GABRG3: variants seen among roughly 807,000 people sequenced by gnomAD.
GABRG3 encodes the protein gamma-aminobutyric acid receptor subunit gamma-3.
GABRG3 carries 25 observed loss-of-function variants against 48.8 expected under a neutral mutation model. The observed-to-expected ratio is 0.51, with a 90% CI of 0.37 to 0.72. GABRG3 has a LOEUF of 0.72. GABRG3 is among the 30% of genes least tolerant of loss of function. The pLI is 0.00. For missense variants in GABRG3, 394 were observed against 577.9 expected, an observed-to-expected ratio of 0.68 and a Z score of 3.26; for synonymous variants, 227 against 217.6, an observed-to-expected ratio of 1.04 and a Z score of -0.38.
At chr15:27,353,314 G>A (rs1343515175) in intron 5 of GABRG3, among the ~76,000 whole-genome samples, 5 of 152,206 alleles carry the variant, frequency 3.3e-5, no homozygotes, top group Admixed American at 6.5e-5. Context: ...GCCACAGGGC[G>A]CATGTGTGTC....
chr15:27,237,231 C>A (rs7170340), intron 3 of GABRG3, among the ~76,000 whole-genome samples: 1 of 152,042 alleles, frequency 6.6e-6, no homozygotes, highest in African/African-American at 2.4e-5. Context: ...CAGTGCTGAC[C>A]CACGAGCAGA....
At chr15:27,500,333 G>C (rs1445333903) in intron 6 of GABRG3, among the ~76,000 whole-genome samples, 3 of 152,110 alleles carry the variant, frequency 2.0e-5, no homozygotes, top group African/African-American at 7.2e-5. Context: ...GACAGCACCC[G>C]ACACACAGCC....
In GABRG3 at chr15:27,249,360, C is replaced by T. The variant is rs190349413; in HGVS notation, c.271-77449C>T. 9.1e-3 allele frequency among the ~76,000 whole-genome samples: 1,392 copies of T among 152,324 alleles called. 19 individuals carry two copies. The highest frequency in any genetic ancestry group is 0.016 in the Non-Finnish European group (1,080 of 68,024). On this transcript the variant is annotated intron_variant, in intron 3 of 9. Coordinates refer to ENST00000615808, the MANE Select transcript of GABRG3 (RefSeq NM_033223.5). Reference sequence around the variant, plus strand: ...CCCCAGATTTCCTCCGCAATCCCGGCTGCGTGCCCTTCCAGGTCGGGGGCC... The same window carrying T: ...CCCCAGATTTCCTCCGCAATCCCGGTTGCGTGCCCTTCCAGGTCGGGGGCC...
intron 3 of GABRG3, among the ~76,000 whole-genome samples, chr15:27,227,646 C>G (rs559788954): frequency 6.6e-6 from 1 of 151,970 alleles, no homozygotes; most frequent in South Asian, 2.1e-4. Context: ...GTGATTGCAC[C>G]TGCAATCTAG....
At chr15:27,230,022 C>A (rs1889749620) in intron 3 of GABRG3, among the ~76,000 whole-genome samples, 1 of 152,210 alleles carries the variant, frequency 6.6e-6, no homozygotes, top group South Asian at 2.1e-4. Flanking sequence ...TTCTTCCTAT[C>A]CATGAGCATG....
intron 6 of GABRG3, among the ~76,000 whole-genome samples, chr15:27,517,289 G>A (rs8035284): frequency 0.56 from 84,222 of 151,678 alleles, 23,519 homozygotes; most frequent in East Asian, 0.67. Context: ...TGCCAGTATC[G>A]TGCACACCTC....
chr15:27,325,540 T>C (rs1004846423), intron 3 of GABRG3, among the ~76,000 whole-genome samples: 4 of 152,228 alleles, frequency 2.6e-5, no homozygotes. Flanking sequence ...CCTGGATACC[T>C]TTTGTTTCCT....
intron 3 of GABRG3, among the ~76,000 whole-genome samples, chr15:27,212,638 A>T (rs1044141910): frequency 2.0e-5 from 3 of 152,162 alleles, no homozygotes; most frequent in African/African-American, 7.2e-5. Flanking sequence ...AAGCACATTC[A>T]CGTTGTCGTA....
At chr15:27,521,302 G>A (rs967906113) in intron 7 of GABRG3, among the ~76,000 whole-genome samples, 16 of 152,046 alleles carry the variant, frequency 1.1e-4, no homozygotes, top group African/African-American at 3.6e-4. Flanking sequence ...ACACCAAAAA[G>A]TCTGTGCCTA....
At chr15:27,186,525 A>G (rs1888103636) in intron 3 of GABRG3, among the ~76,000 whole-genome samples, 1 of 152,148 alleles carries the variant, frequency 6.6e-6, no homozygotes, top group South Asian at 2.1e-4. Context: ...CTTTGGGTAT[A>G]TATCCAGTAA....
At chr15:27,367,094 G>A (rs9708245) in intron 5 of GABRG3, among the ~76,000 whole-genome samples, 33,278 of 152,000 alleles carry the variant, frequency 0.22, 3,889 homozygotes, top group Middle Eastern at 0.33. Flanking sequence ...ACTGCTTTCC[G>A]CAGGTCTCCC....
rs1566817255 is a variant in GABRG3, at chr15:27,387,926, G to GGGAAGGAGGGAA, written c.574+59041_574+59042insAGGAGGGAAGGA. Among the ~76,000 whole-genome samples the GGGAAGGAGGGAA allele has an allele frequency of 5.3e-5, 3 of 56,964 alleles. No homozygotes were observed. The East Asian group carries it at 2.0e-3, about 37-fold the overall frequency. 37.4% of individuals were successfully genotyped at this position (56,964 alleles called of 152,430 possible). Reference sequence around the variant, plus strand: ...AAGGAGGGAAGGAGGGAAGGAGGGAGGGAGGGAGGGAAGGAGGGAAAGAGG... The same window carrying GGGAAGGAGGGAA: ...AAGGAGGGAAGGAGGGAAGGAGGGAGGGAAGGAGGGAAGGAGGGAGGGAAGGAGGGAAAGAGG... On this transcript the variant is annotated intron_variant, in intron 5 of 9. Transcript: ENST00000615808.
chr15:27,436,129 A>C (rs1888602286), intron 5 of GABRG3, among the ~76,000 whole-genome samples: 1 of 152,200 alleles, frequency 6.6e-6, no homozygotes, highest in Non-Finnish European at 1.5e-5. Context: ...TAAACAACAA[A>C]TATTCATTTC....
chr15:27,010,979 G>A (rs986135985), intron 2 of GABRG3, among the ~76,000 whole-genome samples: 1 of 152,094 alleles, frequency 6.6e-6, no homozygotes, highest in Non-Finnish European at 1.5e-5. Flanking sequence ...CAGAGTAGCT[G>A]GGATTACAGG....
intron 5 of GABRG3, among the ~76,000 whole-genome samples, chr15:27,464,602 A>G (rs1320050989): frequency 1.3e-5 from 2 of 152,160 alleles, no homozygotes; most frequent in Non-Finnish European, 2.9e-5. Flanking sequence ...TGAGGGTTCT[A>G]ATTTTCCCTA....
chr15:27,412,868 C>A (rs2140601246), intron 5 of GABRG3, among the ~76,000 whole-genome samples: 1 of 152,232 alleles, frequency 6.6e-6, no homozygotes, highest in South Asian at 2.1e-4. Context: ...ATTTTTGCTT[C>A]AGTATTTTTT....
At chr15:27,354,424 T>C (rs1040840652) in intron 5 of GABRG3, among the ~76,000 whole-genome samples, 1 of 152,132 alleles carries the variant, frequency 6.6e-6, no homozygotes, top group Non-Finnish European at 1.5e-5. Flanking sequence ...TAATGGAATA[T>C]GACTTGACCC....
At chr15:27,340,301 G>A (rs1400088423) in intron 5 of GABRG3, among the ~76,000 whole-genome samples, 1 of 152,152 alleles carries the variant, frequency 6.6e-6, no homozygotes, top group African/African-American at 2.4e-5. Flanking sequence ...AGAAAGTGCA[G>A]TTGTGGTAGA....
At chr15:27,284,045 AG>A (rs1347135758) in intron 3 of GABRG3, among the ~76,000 whole-genome samples, 1 of 152,020 alleles carries the variant, frequency 6.6e-6, no homozygotes. Flanking sequence ...CTGGGGTGCA[AG>A]GGGGGAGGCA....
Sources: allele counts gnomAD v4.1 joint callset (sites outside exome capture counted in the v4.1 genomes callset), GRCh38; gene constraint gnomAD v4.1.1; transcripts MANE v1.5; gene names NCBI Gene and HGNC (gene_info 2026-07-23, HGNC 2026-07-21).